The following LUZP2 variants were observed in gnomAD, a reference collection of about 807,000 sequenced individuals.
The protein encoded by LUZP2 is leucine zipper protein 2.
A neutral mutation model predicts 51.6 loss-of-function variants in LUZP2; 52 were observed. The observed-to-expected ratio is 1.01, with a 90% confidence interval of 0.81 to 1.27. The LOEUF (loss-of-function observed/expected upper bound fraction) is 1.27, where lower values mean the gene tolerates loss of function less well. LUZP2 is among the 50% of genes most tolerant of loss of function. LUZP2 has a pLI of 0.00. For missense variants in LUZP2, 436 were observed against 395.4 expected (o/e 1.10, Z -0.87); for synonymous variants, 154 against 137.3 (o/e 1.12, Z -0.85).
At chr11:24,851,727 G>A (rs560789127) in intron 5 of LUZP2, among the ~76,000 whole-genome samples, 3 of 152,200 alleles carry the variant, frequency 2.0e-5, no homozygotes, top group East Asian at 3.9e-4. Flanking sequence ...ATAGAATTTG[G>A]CTGTGAATCC....
chr11:24,985,454 C>A (rs2197547), intron 9 of LUZP2, among the ~76,000 whole-genome samples: 2 of 151,728 alleles, frequency 1.3e-5, no homozygotes, highest in African/African-American at 4.8e-5. Flanking sequence ...GGGATCTGAT[C>A]TGCATTTTGC....
chr11:24,866,942 G>A (rs1192233968), intron 5 of LUZP2, among the ~76,000 whole-genome samples: 2 of 152,136 alleles, frequency 1.3e-5, no homozygotes, highest in East Asian at 3.9e-4. Flanking sequence ...AGGCCATGTG[G>A]AGGTAAGCAG....
chr11:24,661,398 C>T (rs1336576745), intron 1 of LUZP2, among the ~76,000 whole-genome samples: 9 of 152,196 alleles, frequency 5.9e-5, no homozygotes, highest in Non-Finnish European at 1.5e-5. Flanking sequence ...CTTAGAAACG[C>T]ACTCAGCACC....
intron 1 of LUZP2, among the ~76,000 whole-genome samples, chr11:24,606,135 A>G (rs1853909981): frequency 6.6e-6 from 1 of 151,726 alleles, no homozygotes; most frequent in African/African-American, 2.4e-5. Context: ...TATATATACC[A>G]CACATTTATG....
chr11:24,740,775 C>T (rs1392637605), intron 4 of LUZP2, among the ~76,000 whole-genome samples: 4 of 152,082 alleles, frequency 2.6e-5, no homozygotes, highest in African/African-American at 9.7e-5. Context: ...TCATCTTCAT[C>T]CGTTAGCTGA....
chr11:24,937,754 A>C (rs1854628676), intron 7 of LUZP2, among the ~76,000 whole-genome samples: 1 of 151,856 alleles, frequency 6.6e-6, no homozygotes, highest in Non-Finnish European at 1.5e-5. Context: ...ACAAAAAATT[A>C]GCCGGGCGTG....
intron 1 of LUZP2, among the ~76,000 whole-genome samples, chr11:24,511,626 G>A (rs904361298): frequency 7.2e-5 from 11 of 152,224 alleles, no homozygotes; most frequent in African/African-American, 2.4e-4. Flanking sequence ...ATGGTTAAAC[G>A]TTGAACTTAG....
intron 1 of LUZP2, among the ~76,000 whole-genome samples, chr11:24,687,385 T>C (rs1323795094): frequency 5.9e-5 from 9 of 152,164 alleles, no homozygotes; most frequent in African/African-American, 1.7e-4. Flanking sequence ...GAGGTAGAAT[T>C]ACACAGAATT....
chr11:25,074,485 A>T (rs554657451), intron 10 of LUZP2, among the ~76,000 whole-genome samples: 1 of 152,140 alleles, frequency 6.6e-6, no homozygotes, highest in Non-Finnish European at 1.5e-5. Context: ...AAATGTAGTA[A>T]GTTTTCATTA....
chr11:25,030,591 T>C (rs1857616269), intron 9 of LUZP2, among the ~76,000 whole-genome samples: 1 of 151,770 alleles, frequency 6.6e-6, no homozygotes, highest in South Asian at 2.1e-4. Context: ...CAATACTTGT[T>C]ACTTTAAGCC....
chr11:24,538,419 AAAAAGCATAAGTGAGAGT>A (rs1357335782), intron 1 of LUZP2, among the ~76,000 whole-genome samples: 2 of 151,782 alleles, frequency 1.3e-5, no homozygotes, highest in Non-Finnish European at 2.9e-5. Context: ...CTTAGGACAT[AAAAAGCATAAGTGAGAGT>A]GACTGCTATT....
intron 5 of LUZP2, among the ~76,000 whole-genome samples, chr11:24,880,951 T>C (rs982889555): frequency 2.0e-5 from 3 of 152,170 alleles, no homozygotes; most frequent in Admixed American, 1.3e-4. Context: ...TGTAGACTCA[T>C]AGCATGGCAA....
chr11:24,788,462 A>T (rs986757735), intron 5 of LUZP2, among the ~76,000 whole-genome samples: 11 of 152,068 alleles, frequency 7.2e-5, no homozygotes, highest in African/African-American at 2.7e-4. Context: ...TGCTGGGATT[A>T]CAGGCGTAAG....
At chr11:24,775,935 T>A (rs1054891057) in intron 5 of LUZP2, among the ~76,000 whole-genome samples, 4 of 152,182 alleles carry the variant, frequency 2.6e-5, no homozygotes, top group Admixed American at 2.0e-4. Context: ...TGTCACCAAA[T>A]GGAAGCTATC....
intron 5 of LUZP2, among the ~76,000 whole-genome samples, chr11:24,846,604 T>C (rs1851206882): frequency 6.6e-6 from 1 of 152,132 alleles, no homozygotes; most frequent in Non-Finnish European, 1.5e-5. Context: ...AATGAATCTG[T>C]AACTGAAACC....
chr11:24,668,396 T>A (rs2133996546), intron 1 of LUZP2, among the ~76,000 whole-genome samples: 1 of 152,278 alleles, frequency 6.6e-6, no homozygotes, highest in Non-Finnish European at 1.5e-5. Context: ...GTATGATAGT[T>A]CCCCATATAG....
At chr11:24,647,158 A>G (rs1331784797) in intron 1 of LUZP2, among the ~76,000 whole-genome samples, 1 of 152,010 alleles carries the variant, frequency 6.6e-6, no homozygotes, top group Non-Finnish European at 1.5e-5. Context: ...TATCCTCATC[A>G]CATGGCATTT....
intron 1 of LUZP2, among the ~76,000 whole-genome samples, chr11:24,646,034 G>T (rs971729098): frequency 2.6e-5 from 4 of 152,052 alleles, no homozygotes; most frequent in Non-Finnish European, 5.9e-5. Context: ...CTCATGAGTT[G>T]TGTGGTCTTA....
chr11:24,963,894 A>G (rs1352555648), intron 7 of LUZP2, among the ~76,000 whole-genome samples: 5 of 152,096 alleles, frequency 3.3e-5, no homozygotes, highest in Non-Finnish European at 7.4e-5. Flanking sequence ...AGCTGTTCCT[A>G]TTTGGCCATC....
Sources: allele counts gnomAD v4.1 joint callset (sites outside exome capture counted in the v4.1 genomes callset), GRCh38; gene constraint gnomAD v4.1.1; transcripts MANE v1.5; gene names NCBI Gene and HGNC (gene_info 2026-07-23, HGNC 2026-07-21).